Variants in LDLRAD3 observed in about 807,000 individuals in gnomAD.
LDLRAD3 encodes the protein low density lipoprotein receptor class A domain containing 3, also known as low-density lipoprotein receptor class A domain-containing protein 3.
LDLRAD3 carries 20 observed loss-of-function variants against 29.4 expected under a neutral mutation model. The observed-to-expected ratio is 0.68, with a 90% CI of 0.48 to 0.99. The LOEUF (loss-of-function observed/expected upper bound fraction) is 0.99, where lower values mean the gene tolerates loss of function less well. Among genes scored for constraint, LDLRAD3 ranks in the 50% least tolerant of loss-of-function variants. The pLI, the probability that LDLRAD3 is intolerant of heterozygous loss-of-function variation, is 0.00. For synonymous variants in LDLRAD3, 157 were observed against 192.7 expected (o/e 0.81, Z 1.53); for missense variants, 420 against 454.3 (o/e 0.92, Z 0.69).
intron 3 of LDLRAD3, among the ~76,000 whole-genome samples, chr11:36,082,336 C>A (rs1192040641): frequency 6.6e-6 from 1 of 152,028 alleles, no homozygotes; most frequent in Non-Finnish European, 1.5e-5. Flanking sequence ...AGGTAAAACC[C>A]CATCTCTACA....
chr11:35,990,153 A>C (rs961248914), intron 1 of LDLRAD3, among the ~76,000 whole-genome samples: 4 of 152,154 alleles, frequency 2.6e-5, no homozygotes, highest in African/African-American at 9.7e-5. Flanking sequence ...CCCAGCTCTC[A>C]GGGTTGCCGT....
At position 36,033,758 on chromosome 11, in the gene LDLRAD3, C is replaced by T. The variant is rs1237438372; in HGVS notation, c.47-2345C>T. ...ACCTGGCTGCCCTTCTAGGGTCCCCCTCAAGCCCTTGCCTGGAGATGGTGA... is the reference window on the plus strand; with the variant it reads ...ACCTGGCTGCCCTTCTAGGGTCCCCTTCAAGCCCTTGCCTGGAGATGGTGA... On this transcript the variant is annotated intron_variant, in intron 1 of 5. Transcript: ENST00000315571. Among the ~76,000 whole-genome samples, 3 of 152,174 alleles carry T rather than the reference C, an allele frequency of 2.0e-5. No homozygotes were observed. The East Asian group carries it at 5.8e-4, about 29-fold the overall frequency.
Position 36,216,196 on chromosome 11 carries a change from C to T in LDLRAD3, c.455-10889C>T, listed in dbSNP as rs554648859. 9.4e-4 allele frequency among the ~76,000 whole-genome samples: 143 copies of T among 152,318 alleles called. No homozygotes were observed. The South Asian group carries it at 0.013, about 14-fold the overall frequency. ...AGTTGTCTCTCAGCTTCATCTTCTT[C>T]CATCGGCAGCTGCAACCCAGAGCTT... On this transcript the variant is annotated intron_variant, in intron 4 of 5. Coordinates refer to ENST00000315571, the MANE Select transcript of LDLRAD3 (RefSeq NM_174902.4).
intron 4 of LDLRAD3, among the ~76,000 whole-genome samples, chr11:36,166,287 G>A (rs1447273763): frequency 1.3e-5 from 2 of 152,168 alleles, no homozygotes; most frequent in African/African-American, 4.8e-5. Flanking sequence ...TACAGTGGGA[G>A]CCTAGAGCAA....
At chr11:36,150,530 T>TA (rs1438342126) in intron 4 of LDLRAD3, among the ~76,000 whole-genome samples, 26 of 148,874 alleles carry the variant, frequency 1.7e-4, no homozygotes, top group Non-Finnish European at 2.7e-4. Context: ...CTTGTCTCTT[T>TA]AAAAAAAAAT....
chr11:36,044,527 TC>T (rs1327912392), intron 2 of LDLRAD3, among the ~76,000 whole-genome samples: 1 of 152,108 alleles, frequency 6.6e-6, no homozygotes, highest in East Asian at 1.9e-4. Flanking sequence ...ATCCTCCGCT[TC>T]CCCTTCCCAC....
chr11:36,109,755 T>A (rs77695059), intron 4 of LDLRAD3, among the ~76,000 whole-genome samples: 1 of 151,198 alleles, frequency 6.6e-6, no homozygotes, highest in Non-Finnish European at 1.5e-5. Context: ...GCTTTATATT[T>A]AAAAAAAAAT....
intron 4 of LDLRAD3, among the ~76,000 whole-genome samples, chr11:36,167,768 T>C (rs1212593278): frequency 6.6e-6 from 1 of 152,188 alleles, no homozygotes; most frequent in Non-Finnish European, 1.5e-5. Flanking sequence ...ACGCAGTTCA[T>C]GGCACTTTGT....
At chr11:36,106,352 T>A (rs1853528820) in intron 4 of LDLRAD3, among the ~76,000 whole-genome samples, 1 of 152,196 alleles carries the variant, frequency 6.6e-6, no homozygotes, top group South Asian at 2.1e-4. Context: ...ATATCTGTGT[T>A]CTAAGGACCT....
intron 4 of LDLRAD3, among the ~76,000 whole-genome samples, chr11:36,167,002 A>G (rs1712263009): frequency 6.6e-6 from 1 of 152,206 alleles, no homozygotes; most frequent in Admixed American, 6.5e-5. Flanking sequence ...TGCAGATGTA[A>G]TCAAGTTAAG....
At chr11:36,174,950 C>G (rs1277689507) in intron 4 of LDLRAD3, among the ~76,000 whole-genome samples, 1 of 152,076 alleles carries the variant, frequency 6.6e-6, no homozygotes, top group African/African-American at 2.4e-5. Context: ...CTACTCCACT[C>G]CAGCCTGGGG....
chr11:36,173,343 C>G (rs181880284), intron 4 of LDLRAD3, among the ~76,000 whole-genome samples: 1 of 119,958 alleles, frequency 8.3e-6, no homozygotes, highest in Non-Finnish European at 1.7e-5. Flanking sequence ...CCCCTCCCCC[C>G]ACCCCACAAC....
chr11:36,185,716 C>G (rs758434702), intron 4 of LDLRAD3, among the ~76,000 whole-genome samples: 1 of 152,192 alleles, frequency 6.6e-6, no homozygotes, highest in Non-Finnish European at 1.5e-5. Flanking sequence ...TATTGCTCTC[C>G]CTTCACTCTG....
intron 4 of LDLRAD3, among the ~76,000 whole-genome samples, chr11:36,141,564 G>GGTC (rs1366028959): frequency 2.0e-5 from 3 of 152,144 alleles, no homozygotes; most frequent in Admixed American, 6.5e-5. Context: ...ATGCTTACTG[G>GGTC]GTCGTTGGTC....
chr11:36,004,804 C>T (rs909794209), intron 1 of LDLRAD3, among the ~76,000 whole-genome samples: 2 of 152,202 alleles, frequency 1.3e-5, no homozygotes, highest in African/African-American at 4.8e-5. Context: ...TCAACTCTTG[C>T]CTTCTGTGCA....
At chr11:35,997,044 T>C (rs1357512452) in intron 1 of LDLRAD3, among the ~76,000 whole-genome samples, 1 of 152,182 alleles carries the variant, frequency 6.6e-6, no homozygotes, top group African/African-American at 2.4e-5. Context: ...GAATGATGGA[T>C]GGCTGAAAAT....
chr11:36,196,781 C>T lies in LDLRAD3; in HGVS notation c.455-30304C>T, dbSNP rs374428984. 5.3e-5 allele frequency: 8 copies of T among 152,326 alleles called. No homozygotes were observed. The East Asian group carries it at 9.6e-4, about 18-fold the overall frequency. 9.4% of individuals were successfully genotyped at this position (152,326 alleles called of 1,614,324 possible). A position where few individuals can be genotyped will look rare whatever the true frequency, so the allele number is the denominator to read the frequency against. ...GTCCATGCAAATATAACCACTTCTG[C>T]CTGCTTTTTTGAGGGAGGGATCAGT... On this transcript the variant is annotated intron_variant, in intron 4 of 5. Transcript: ENST00000315571.
At chr11:36,192,203 C>T (rs917474682) in intron 4 of LDLRAD3, among the ~76,000 whole-genome samples, 11 of 152,296 alleles carry the variant, frequency 7.2e-5, no homozygotes, top group Admixed American at 1.3e-4. Flanking sequence ...TTCAAGAATG[C>T]GCTGGTAGGA....
chr11:36,227,968 T>C (rs1230100263), intron 5 of LDLRAD3, among the ~76,000 whole-genome samples: 2 of 152,176 alleles, frequency 1.3e-5, no homozygotes, highest in Non-Finnish European at 2.9e-5. Flanking sequence ...GCTTCATCTA[T>C]AAAATAAAGG....
Sources: gnomAD v4.1 joint callset for allele counts (sites outside exome capture counted in the v4.1 genomes callset) on GRCh38, gnomAD v4.1.1 for gene constraint, MANE v1.5 for transcripts, NCBI Gene and HGNC (gene_info 2026-07-23, HGNC 2026-07-21) for gene names.